PLA2R1: variants seen among roughly 807,000 people sequenced by gnomAD.
PLA2R1 encodes secretory phospholipase A2 receptor.
In PLA2R1, 158 loss-of-function variants were observed where a neutral mutation model predicts 195.9. The observed-to-expected ratio is 0.81, with a 90% CI of 0.71 to 0.92. The LOEUF (loss-of-function observed/expected upper bound fraction) is 0.92. Among genes scored for constraint, PLA2R1 ranks in the 40% least tolerant of loss-of-function variants. The probability of loss-of-function intolerance (pLI) is 0.00; values close to 1 mark genes in which losing one functional copy is unlikely to be tolerated. For missense variants in PLA2R1, 1,626 were observed against 1,764.6 expected, an observed-to-expected ratio of 0.92 and a Z score of 1.41; for synonymous variants, 586 against 598.2, an observed-to-expected ratio of 0.98 and a Z score of 0.30.
chr2:160,015,232 A>G (rs1236009092), intron 9 of PLA2R1, among the ~76,000 whole-genome samples: 2 of 152,236 alleles, frequency 1.3e-5, no homozygotes, highest in Non-Finnish European at 2.9e-5. Flanking sequence ...TCCAATCCCA[A>G]AAAAGTGACT....
chr2:159,977,812 G>T (rs1239613780), intron 14 of PLA2R1, among the ~76,000 whole-genome samples: 1 of 151,882 alleles, frequency 6.6e-6, no homozygotes, highest in African/African-American at 2.4e-5. Context: ...TTGTGGTGGT[G>T]GGCACCTGTA....
At chr2:160,051,422 CT>C (rs1695204608) in intron 1 of PLA2R1, among the ~76,000 whole-genome samples, 1 of 152,212 alleles carries the variant, frequency 6.6e-6, no homozygotes, top group Admixed American at 6.5e-5. Flanking sequence ...TGTCTTGACT[CT>C]GTCCATTTCC....
At chr2:159,983,897 C>G in intron 13 of PLA2R1, 31 bp downstream of exon 13, 2 of 1,276,938 alleles carry the variant, frequency 1.6e-6, no homozygotes, top group Non-Finnish European at 2.2e-6. Flanking sequence ...GAATATTTGA[C>G]TGTAATTTTT....
rs559666550 is a variant in PLA2R1 at position 159,952,383 on chromosome 2, C to A, written c.3302-805G>T. On this transcript the variant is annotated intron_variant, in intron 23 of 29. Transcript: ENST00000283243. Reference sequence around the variant, plus strand: ...TATATGTACTAGGATATGTATAGAACATATGTTAGGATATGTATAGAACAT... The same window carrying A: ...TATATGTACTAGGATATGTATAGAAAATATGTTAGGATATGTATAGAACAT... Among the ~76,000 whole-genome samples, 7 of 152,080 alleles carry A rather than the reference C, an allele frequency of 4.6e-5. No homozygotes were observed. The East Asian group carries it at 1.4e-3, about 29-fold the overall frequency.
intron 3 of PLA2R1, among the ~76,000 whole-genome samples, chr2:160,041,602 A>G (rs935680202): frequency 1.3e-5 from 2 of 150,892 alleles, no homozygotes; most frequent in African/African-American, 4.8e-5. Flanking sequence ...GGGCTTGACA[A>G]TGGGCGAGAC....
intron 1 of PLA2R1, among the ~76,000 whole-genome samples, chr2:160,045,950 C>T (rs1018179350): frequency 3.9e-5 from 6 of 152,198 alleles, no homozygotes; most frequent in African/African-American, 1.2e-4. Context: ...AAGCTCTCCT[C>T]CCCGGAGCTG....
rs191694901 is a variant in PLA2R1, at chr2:159,985,569, A to G, written c.2038-1496T>C. 1.4e-4 allele frequency among the ~76,000 whole-genome samples: 22 copies of G among 151,954 alleles called. No individual in the cohort carries two copies. The East Asian group carries it at 4.1e-3, about 28-fold the overall frequency. The stretch of plus-strand genomic sequence containing the variant: ...TTCACTTATATATACACACACATAC[A>G]TACACACACACATATATACACATAC... On this transcript the variant is annotated intron_variant, in intron 12 of 29. Transcript: ENST00000283243.
In PLA2R1 at chr2:160,019,407, C is replaced by T. The variant is rs531140586; in HGVS notation, c.1452+699G>A. Among the ~76,000 whole-genome samples the T allele has an allele frequency of 1.1e-4, 17 of 152,292 alleles. No homozygotes were observed. In the South Asian group the frequency reaches 3.3e-3, roughly 30 times the overall value. On this transcript the variant is annotated intron_variant, in intron 8 of 29. Transcript: ENST00000283243. ...CCAAAAGCCGACCTCTCTCTCACCC[C>T]CACATCTAACTTAGCAACACCTTCT... is the stretch of plus-strand genomic sequence containing the variant.
At position 159,943,662 on chromosome 2, in the gene PLA2R1, T is replaced by C. The variant is rs1687216332; in HGVS notation, c.4144+1244A>G. Among the ~76,000 whole-genome samples, 3 of 152,230 alleles carry C rather than the reference T, an allele frequency of 2.0e-5. No homozygotes were observed. In the South Asian group the frequency reaches 6.2e-4, roughly 32 times the overall value. On this transcript the variant is annotated intron_variant, in intron 28 of 29. Coordinates refer to ENST00000283243, the MANE Select transcript of PLA2R1 (RefSeq NM_007366.5). ...TTGCTCCACTACCTTGGAAAGCTGCTGCGAAGGATGAAACAGGTGTCATCT... is the reference window on the plus strand; with the variant it reads ...TTGCTCCACTACCTTGGAAAGCTGCCGCGAAGGATGAAACAGGTGTCATCT...
chr2:160,044,487 T>C (rs565692076), intron 2 of PLA2R1, among the ~76,000 whole-genome samples: 2 of 152,342 alleles, frequency 1.3e-5, no homozygotes, highest in Middle Eastern at 3.4e-3. Context: ...GTCTGCTTAT[T>C]CTTTCTGCTC....
At chr2:160,002,106 T>C (rs751325431) in intron 11 of PLA2R1, among the ~76,000 whole-genome samples, 1 of 151,798 alleles carries the variant, frequency 6.6e-6, no homozygotes, top group South Asian at 2.1e-4. Flanking sequence ...ACAAACCGTA[T>C]TTCTTGACCA....
chr2:160,060,012 T>A (rs181415614), intron 1 of PLA2R1, among the ~76,000 whole-genome samples: 1 of 152,306 alleles, frequency 6.6e-6, no homozygotes, highest in Non-Finnish European at 1.5e-5. Context: ...TATTGATAAA[T>A]CATTGGAAAA....
intron 17 of PLA2R1, among the ~76,000 whole-genome samples, 177 bp from the exon 18 acceptor site, chr2:159,970,389 T>C (rs563170271): frequency 1.4e-4 from 22 of 152,258 alleles, no homozygotes; most frequent in African/African-American, 5.1e-4. Context: ...TCCTAAAATA[T>C]TCCCCCCATT....
At chr2:159,966,231 G>C (rs185817776) in intron 20 of PLA2R1, among the ~76,000 whole-genome samples, 1 of 152,144 alleles carries the variant, frequency 6.6e-6, no homozygotes, top group Non-Finnish European at 1.5e-5. Flanking sequence ...AAGTCCTGTC[G>C]CATGCCAGTG....
At chr2:159,986,576 TTTC>T (rs928854935) in intron 12 of PLA2R1, among the ~76,000 whole-genome samples, 1 of 151,624 alleles carries the variant, frequency 6.6e-6, no homozygotes, top group African/African-American at 2.4e-5. Context: ...GCGCATGCTA[TTTC>T]TTTTCTTTCC....
At chr2:159,974,641 T>C (rs1336544983) in intron 17 of PLA2R1, among the ~76,000 whole-genome samples, 2 of 152,182 alleles carry the variant, frequency 1.3e-5, no homozygotes, top group East Asian at 1.9e-4. Context: ...TTGAACATTA[T>C]GGTTTTGGCT....
chr2:159,930,204 C>T (rs929099159), downstream of PLA2R1, among the ~76,000 whole-genome samples: 22 of 151,980 alleles, frequency 1.4e-4, no homozygotes, highest in African/African-American at 3.6e-4. Context: ...GTCAGGAGAT[C>T]GAGGCCATCC....
chr2:160,046,145 T>G (rs796890248), intron 1 of PLA2R1, among the ~76,000 whole-genome samples: 19 of 152,332 alleles, frequency 1.2e-4, no homozygotes, highest in African/African-American at 4.3e-4. Context: ...TCTCATTTCT[T>G]TGGTCTAAGT....
At chr2:159,998,372 C>CT in intron 11 of PLA2R1, among the ~76,000 whole-genome samples, 1 of 152,190 alleles carries the variant, frequency 6.6e-6, no homozygotes, top group African/African-American at 2.4e-5. Context: ...GAAGAGAAAA[C>CT]TGAGATATGA....
Sources: gnomAD v4.1 joint callset for allele counts (sites outside exome capture counted in the v4.1 genomes callset) on GRCh38, gnomAD v4.1.1 for gene constraint, MANE v1.5 for transcripts, NCBI Gene and HGNC (gene_info 2026-07-23, HGNC 2026-07-21) for gene names.